Variants in MAPK8IP3 observed in about 807,000 individuals in gnomAD.
MAPK8IP3 encodes the protein mitogen-activated protein kinase 8 interacting protein 3, also known as C-Jun-amino-terminal kinase-interacting protein 3.
In MAPK8IP3, 49 loss-of-function variants were observed where a neutral mutation model predicts 157.8. That is an observed-to-expected ratio of 0.31 (90% CI 0.25 to 0.39). The LOEUF is 0.39. Among genes scored for constraint, MAPK8IP3 ranks in the 10% least tolerant of loss-of-function variants. The pLI is 1.00. For missense variants in MAPK8IP3, 1,478 were observed against 1,889.4 expected, an observed-to-expected ratio of 0.78 and a Z score of 4.04; for synonymous variants, 897 against 777.7, an observed-to-expected ratio of 1.15 and a Z score of -2.55.
At chr16:1,744,410 C>A in intron 5 of MAPK8IP3, 1 of 985,874 alleles carries the variant, frequency 1.0e-6, no homozygotes, top group Non-Finnish European at 1.2e-6. Context: ...CCTGTGGGGG[C>A]TGCTGCAGGC....
intron 4 of MAPK8IP3, among the ~76,000 whole-genome samples, chr16:1,738,479 C>G (rs576790309): frequency 9.0e-5 from 7 of 77,452 alleles, no homozygotes; most frequent in African/African-American, 1.1e-4. Flanking sequence ...TGTGAGCATC[C>G]GTGTGAGCGT....
At chr16:1,766,436 A>G in intron 22 of MAPK8IP3, 27 bp downstream of exon 22, 1 of 1,606,056 alleles carries the variant, frequency 6.2e-7, no homozygotes. Context: ...GGGCAGGAGC[A>G]GAGGGAAGGC....
chr16:1,732,493 C>G (rs879796062), intron 4 of MAPK8IP3, among the ~76,000 whole-genome samples: 5 of 152,238 alleles, frequency 3.3e-5, no homozygotes, highest in African/African-American at 1.2e-4. Context: ...GCACGGTGTG[C>G]GCAAAGGCCC....
chr16:1,734,191 C>T (rs373472748), intron 4 of MAPK8IP3, among the ~76,000 whole-genome samples: 176 of 152,390 alleles, frequency 1.2e-3, no homozygotes, highest in African/African-American at 3.9e-3. Context: ...CGTGAGAAGA[C>T]GTTGGCCCTG....
intron 12 of MAPK8IP3, among the ~76,000 whole-genome samples, chr16:1,760,944 C>T (rs950617404): frequency 6.6e-6 from 1 of 152,190 alleles, no homozygotes; most frequent in Non-Finnish European, 1.5e-5. Context: ...AAAGCCAGGG[C>T]CCCTCTGCTT....
intron 4 of MAPK8IP3, 35 bp downstream of exon 4, chr16:1,729,613 GCGCGGCGGGGCGGAGGTACGCAGGA>G (rs750646800): frequency 4.3e-5 from 66 of 1,542,132 alleles, no homozygotes; most frequent in African/African-American, 3.3e-4. Flanking sequence ...GGTACGCGGG[GCGCGGCGGGGCGGAGGTACGCAGGA>G]CGCGGCACAT....
chr16:1,750,768 C>G (rs572852918), intron 8 of MAPK8IP3, among the ~76,000 whole-genome samples: 3 of 151,826 alleles, frequency 2.0e-5, no homozygotes, highest in Non-Finnish European at 2.9e-5. Context: ...GCCTCAGCCT[C>G]GTGAGTAGCT....
In MAPK8IP3 at chr16:1,759,342, G is replaced by A. The variant is rs560135047; in HGVS notation, c.1246+347G>A. Among the ~76,000 whole-genome samples the A allele has an allele frequency of 7.9e-5, 12 of 152,354 alleles. No homozygotes were observed. In the East Asian group the frequency reaches 9.6e-4, roughly 12 times the overall value. On this transcript the variant is annotated intron_variant, in intron 10 of 31. Transcript: ENST00000610761. The stretch of plus-strand genomic sequence containing the variant: ...GACCCCTGAGCCCAGGCACAGAGGC[G>A]TGTGATGCTGTTTCATGACTGCATA...
chr16:1,716,455 G>A (rs138846386), intron 1 of MAPK8IP3, among the ~76,000 whole-genome samples: 49 of 151,468 alleles, frequency 3.2e-4, no homozygotes, highest in African/African-American at 1.1e-3. Context: ...GCACCACCAC[G>A]CCTGGCTAAT....
chr16:1,724,625 C>T lies in MAPK8IP3; in HGVS notation c.387C>T (p.Tyr129=), dbSNP rs35459652. The stretch of plus-strand genomic sequence containing the variant: ...AGCTGCAAATCCAGGTGGAGCACTA[C>T]GAGTTCCAGACGCGCCAGCTGGAGC... ...KKELQIQVEH[Y]EFQTRQLELK... is the part of the protein sequence containing the mutation. Residue 129 remains tyrosine, a synonymous_variant, in exon 2 of 32, where the codon TAC becomes TAT. Transcript: ENST00000610761. This position sits in a 1 kb window ranked among gnomAD's most constrained non-coding sequence, Gnocchi z 4.1. The T allele has an allele frequency of 0.023, 36,485 of 1,613,574 alleles. 502 individuals carry two copies. The highest frequency in any genetic ancestry group is 0.026 in the Non-Finnish European group (31,040 of 1,179,932).
rs2294616 is a variant in MAPK8IP3 at position 1,762,971 on chromosome 16, G to A, written c.1863G>A (p.Ser621=). Residue 621 remains serine, a synonymous_variant, in exon 16 of 32, where the codon TCG becomes TCA. Coordinates refer to ENST00000610761, the MANE Select transcript of MAPK8IP3 (RefSeq NM_001318852.2). ...GCAACCATGCCATGTGCCCGATCTC[G>A]GCAGGCAGCCGGCCCCTGGAATTCT... ...QRRNHAMCPI[S]AGSRPLEFFP... 2.6e-5 allele frequency: 42 copies of A among 1,612,816 alleles called. No homozygotes were observed. The highest frequency in any genetic ancestry group is 1.9e-4 in the African/African-American group (14 of 75,044).
intron 1 of MAPK8IP3, among the ~76,000 whole-genome samples, chr16:1,719,179 G>C (rs2038352264): frequency 6.6e-6 from 1 of 152,116 alleles, no homozygotes. Flanking sequence ...ATATTGCCCA[G>C]GCTGGGCTCG....
chr16:1,759,872 A>G, intron 10 of MAPK8IP3, 86 bp from the exon 11 acceptor site: 1 of 1,193,850 alleles, frequency 8.4e-7, no homozygotes, highest in Non-Finnish European at 1.2e-6. Context: ...CCCTCTTTGG[A>G]AGCGTTGTTG....
At chr16:1,746,622 G>A (rs1269510515) in intron 5 of MAPK8IP3, 4 of 206,868 alleles carry the variant, frequency 1.9e-5, no homozygotes, top group Admixed American at 5.5e-5. Context: ...GGCACAGCCA[G>A]CCCTTCTTGG....
At chr16:1,736,962 GTCCGTGTGACCGTCCGTGTGAGCA>G (rs2039963805) in intron 4 of MAPK8IP3, among the ~76,000 whole-genome samples, 1 of 65,524 alleles carries the variant, frequency 1.5e-5, no homozygotes, top group Admixed American at 2.2e-4. Flanking sequence ...GCGTGTGACC[GTCCGTGTGACCGTCCGTGTGAGCA>G]TCCGTGTGAG....
At chr16:1,729,090 C>A in intron 2 of MAPK8IP3, 48 bp from the exon 3 acceptor site, 1 of 1,558,166 alleles carries the variant, frequency 6.4e-7, no homozygotes, top group Non-Finnish European at 8.9e-7. Context: ...GAGTTCAGGG[C>A]CATGGAGAAG....
intron 8 of MAPK8IP3, among the ~76,000 whole-genome samples, chr16:1,753,081 G>A (rs1321706314): frequency 6.6e-6 from 1 of 152,240 alleles, no homozygotes; most frequent in East Asian, 1.9e-4. Context: ...CTTTGCACGT[G>A]ACGGGAGGGT....
At chr16:1,713,634 G>T (rs2037939714) in intron 1 of MAPK8IP3, 1 of 152,264 alleles carries the variant, frequency 6.6e-6, no homozygotes, top group South Asian at 2.1e-4. Context: ...TGTGAGATGG[G>T]AAAGTGGATG....
At chr16:1,744,868 TTTAAG>T (rs1206914122) in intron 5 of MAPK8IP3, 22 of 961,606 alleles carry the variant, frequency 2.3e-5, no homozygotes, top group Non-Finnish European at 2.7e-5. Context: ...AATTATTACA[TTTAAG>T]TTCTTTTTAT....
Sources: gnomAD v4.1 joint callset for allele counts (sites outside exome capture counted in the v4.1 genomes callset) on GRCh38, gnomAD v4.1.1 for gene constraint, Gnocchi (gnomAD v3.1) non-coding constraint, MANE v1.5 for transcripts, NCBI Gene and HGNC (gene_info 2026-07-23, HGNC 2026-07-21) for gene names.